Variants in RNF212 observed in about 807,000 individuals in gnomAD.
RNF212 encodes the protein probable E3 SUMO-protein ligase RNF212.
Under a neutral mutation model 34.7 loss-of-function variants are expected in RNF212, and 33 were observed. That is an observed-to-expected ratio of 0.95 (90% CI 0.72 to 1.27). The LOEUF (loss-of-function observed/expected upper bound fraction) is 1.27, where lower values mean the gene tolerates loss of function less well. Among genes scored for constraint, RNF212 ranks in the 50% most tolerant of loss-of-function variants. The probability of loss-of-function intolerance (pLI) is 0.00; values close to 1 mark genes in which losing one functional copy is unlikely to be tolerated. For synonymous variants in RNF212, 140 were observed against 136.1 expected (o/e 1.03, Z -0.20); for missense variants, 377 against 362.2 (o/e 1.04, Z -0.33).
At chr4:1,100,248 T>G (rs1452968598) in intron 2 of RNF212, 2 of 276,248 alleles carry the variant, frequency 7.2e-6, no homozygotes, top group Admixed American at 4.9e-5. Flanking sequence ...TGTCAAACAT[T>G]CTGAAATTAT....
At chr4:1,091,690 C>T (rs1701884624) in intron 3 of RNF212, among the ~76,000 whole-genome samples, 1 of 152,234 alleles carries the variant, frequency 6.6e-6, no homozygotes, top group South Asian at 2.1e-4. Flanking sequence ...AGGCCCAGCA[C>T]ATGCCAGGCC....
chr4:1,103,427 GAAAGAGCATTACAAGAAA>G (rs1724334911), intron 2 of RNF212, among the ~76,000 whole-genome samples: 1 of 152,088 alleles, frequency 6.6e-6, no homozygotes, highest in Non-Finnish European at 1.5e-5. Flanking sequence ...CCAAAATGTG[GAAAGAGCATTACAAGAAA>G]AAAAACTTAC....
At chr4:1,068,258 A>T (rs1344993308), downstream of RNF212, among the ~76,000 whole-genome samples, 2 of 152,250 alleles carry the variant, frequency 1.3e-5, no homozygotes, top group African/African-American at 4.8e-5. Flanking sequence ...TTCTGAAAGG[A>T]GAAAATATAC....
intron 7 of RNF212, among the ~76,000 whole-genome samples, chr4:1,080,019 A>C (rs1177610730): frequency 6.6e-6 from 1 of 152,006 alleles, no homozygotes; most frequent in Non-Finnish European, 1.5e-5. Context: ...CTCTGCCAAC[A>C]CCTGCCTGGA....
chr4:1,079,395 C>G (rs969764204), intron 8 of RNF212, among the ~76,000 whole-genome samples: 27 of 152,248 alleles, frequency 1.8e-4, no homozygotes, highest in Non-Finnish European at 3.4e-4. Context: ...AACACCTCGT[C>G]CGCATTTGCT....
chr4:1,067,995 C>G (rs1268204678), downstream of RNF212, among the ~76,000 whole-genome samples: 2 of 152,030 alleles, frequency 1.3e-5, no homozygotes, highest in African/African-American at 4.8e-5. Flanking sequence ...AGAGACATAG[C>G]ACATCTAAGC....
rs763633142 is a variant in RNF212, at chr4:1,096,767, G to A, written c.244C>T (p.Gln82Ter). The A allele has an allele frequency of 1.2e-6, 2 of 1,612,126 alleles. No homozygotes were observed. The highest frequency in any genetic ancestry group is 3.3e-5 in the Admixed American group (2 of 60,034). Residue 82 changes from glutamine (Q) to a stop codon, truncating the protein, a stop_gained and splice_region_variant, in exon 3 of 10, where the codon CAG (glutamine) becomes TAG (stop). Coordinates refer to ENST00000433731, the MANE Select transcript of RNF212 (RefSeq NM_001131034.4). LOFTEE classifies it high-confidence loss of function. Reference sequence around the variant, plus strand: ...AAGCCACACCCCTCACAGCTCACCTGGGAGGTTTCCCTGGAGTACTTCTTA... The same window carrying A: ...AAGCCACACCCCTCACAGCTCACCTAGGAGGTTTCCCTGGAGTACTTCTTA... ...LCKKYSRETS[Q>*]ILEFQEKHRK...
rs547535697 is a variant in RNF212 at position 1,105,709 on chromosome 4, C to T, written c.171+2634G>A. Among the ~76,000 whole-genome samples, 11 of 152,090 alleles carry T rather than the reference C, an allele frequency of 7.2e-5. No individual in the cohort carries two copies. The East Asian group carries it at 2.1e-3, about 30-fold the overall frequency. On this transcript the variant is annotated intron_variant, in intron 2 of 9. Transcript: ENST00000433731. ...AAGTGCTCACACACGGATGCACCCA[C>T]GTGCAAGTGCACATGCTGGCATAAT... is the stretch of plus-strand genomic sequence containing the variant.
intron 8 of RNF212, among the ~76,000 whole-genome samples, chr4:1,079,188 AGACCAACATGG>A (rs1719903401): frequency 1.6e-5 from 2 of 127,944 alleles, no homozygotes. Context: ...GGTCAACACA[AGACCAACATGG>A]GACCAACATA....
At chr4:1,076,747 T>C (rs1346776666) in intron 8 of RNF212, among the ~76,000 whole-genome samples, 1 of 152,182 alleles carries the variant, frequency 6.6e-6, no homozygotes, top group Non-Finnish European at 1.5e-5. Flanking sequence ...TCCTTGAAAT[T>C]TGCATTCTGG....
intron 8 of RNF212, among the ~76,000 whole-genome samples, chr4:1,074,265 G>A (rs1718915554): frequency 6.6e-6 from 1 of 152,156 alleles, no homozygotes; most frequent in Admixed American, 6.5e-5. Context: ...GCGACCTGGG[G>A]GCATGGCAAG....
intron 2 of RNF212, 57 bp from the exon 3 acceptor site, chr4:1,096,896 C>A: frequency 7.5e-7 from 1 of 1,334,372 alleles, no homozygotes; most frequent in Non-Finnish European, 1.1e-6. Context: ...CTTCTGGCCC[C>A]CAGTTAAAAA....
chr4:1,089,349 C>G (rs915088569), intron 4 of RNF212, among the ~76,000 whole-genome samples: 4 of 152,210 alleles, frequency 2.6e-5, no homozygotes, highest in African/African-American at 4.8e-5. Context: ...GCCTGCAGCC[C>G]CTTTGTTTTG....
In RNF212 at chr4:1,085,863, G is replaced by A. The variant is rs190735018; in HGVS notation, c.362+33C>T. 2.8e-5 allele frequency: 43 copies of A among 1,528,018 alleles called. No individual in the cohort carries two copies. The East Asian group carries it at 3.4e-4, about 12-fold the overall frequency. The allele number at this position is 1,528,018 out of a possible 1,614,324, so 94.7% of individuals were successfully genotyped here. On this transcript the variant is annotated intron_variant, in intron 5 of 9. Coordinates refer to ENST00000433731, the MANE Select transcript of RNF212 (RefSeq NM_001131034.4). ...CAATGCACATGGCAGTGGGTGCCTC[G>A]ACTGCGCACTCACGGGGGGTGGGGC...
downstream of RNF212, among the ~76,000 whole-genome samples, chr4:1,068,800 A>G (rs935969): frequency 0.79 from 120,979 of 152,208 alleles, 48,530 homozygotes; most frequent in African/African-American, 0.88. Flanking sequence ...TCATTTTAAA[A>G]TGTTAATTTC....
intron 3 of RNF212, among the ~76,000 whole-genome samples, chr4:1,094,447 G>A (rs1185617664): frequency 6.6e-6 from 1 of 152,204 alleles, no homozygotes; most frequent in East Asian, 1.9e-4. Flanking sequence ...CTGACTGGGA[G>A]GAGGGTCAGG....
At chr4:1,060,635 A>T (rs115940263) in intron 3 of RNF212, among the ~76,000 whole-genome samples, 2 of 152,250 alleles carry the variant, frequency 1.3e-5, no homozygotes, top group African/African-American at 4.8e-5. Flanking sequence ...AAAGATGTCC[A>T]TTTGAAAAAT....
intron 1 of RNF212, among the ~76,000 whole-genome samples, chr4:1,111,236 A>G (rs1296280014): frequency 6.6e-6 from 1 of 151,864 alleles, no homozygotes; most frequent in African/African-American, 2.4e-5. Context: ...GCTCTTTCCA[A>G]CAAGATAGTC....
In RNF212 at chr4:1,072,607, TTAAG is replaced by T. The variant is rs1718625878; in HGVS notation, c.*263_*266del. Reference sequence around the variant, plus strand: ...AACCACCCAGTTAGAAAAAAATGATTTAAGTATGTGAAAAAAAAACTCCCTAAGC... The same window carrying T: ...AACCACCCAGTTAGAAAAAAATGATTTATGTGAAAAAAAAACTCCCTAAGC... On this transcript the variant is annotated 3_prime_UTR_variant, in exon 10 of 10. Transcript: ENST00000433731. 1 of 985,214 alleles carries T rather than the reference TTAAG, an allele frequency of 1.0e-6. No individual in the cohort carries two copies. Among genetic ancestry groups the T allele is most frequent in the Non-Finnish European group, 1.3e-6 (1 of 795,744 alleles). The allele number at this position is 985,214 out of a possible 1,614,324, so 61.0% of individuals were successfully genotyped here.
Sources: gnomAD v4.1 joint callset for allele counts (sites outside exome capture counted in the v4.1 genomes callset) on GRCh38, gnomAD v4.1.1 for gene constraint, MANE v1.5 for transcripts, NCBI Gene and HGNC (gene_info 2026-07-23, HGNC 2026-07-21) for gene names.